ELP4: variants seen among roughly 807,000 people sequenced by gnomAD.
The protein encoded by ELP4 is elongator acetyltransferase complex subunit 4, also known as elongator complex protein 4.
A neutral mutation model predicts 48.9 loss-of-function variants in ELP4; 51 were observed. The observed-to-expected ratio is 1.04, with a 90% CI of 0.83 to 1.32. ELP4 has a LOEUF of 1.32. Among genes scored for constraint, ELP4 ranks in the 40% most tolerant of loss-of-function variants. ELP4 has a pLI of 0.00. For missense variants in ELP4, 519 were observed against 514.6 expected (o/e 1.01, Z -0.08); for synonymous variants, 210 against 189.2 (o/e 1.11, Z -0.90).
chr11:31,619,135 T>G (rs779853118), intron 5 of ELP4, among the ~76,000 whole-genome samples: 5 of 151,908 alleles, frequency 3.3e-5, no homozygotes, highest in Non-Finnish European at 5.9e-5. Flanking sequence ...TTTTATTTTT[T>G]CAAGGGAGAG....
intron 3 of ELP4, among the ~76,000 whole-genome samples, chr11:31,559,791 T>C (rs1956985028): frequency 1.3e-5 from 2 of 151,698 alleles, no homozygotes; most frequent in African/African-American, 4.8e-5. Flanking sequence ...TAATCCCAGC[T>C]ACTCGGGTGG....
intron 5 of ELP4, among the ~76,000 whole-genome samples, chr11:31,611,836 C>T (rs986537641): frequency 6.6e-6 from 1 of 152,104 alleles, no homozygotes; most frequent in Non-Finnish European, 1.5e-5. Context: ...AAAGAAAAAA[C>T]ATTTTCTATG....
At chr11:31,758,516 C>A (rs1234979321) in intron 9 of ELP4, among the ~76,000 whole-genome samples, 1 of 152,102 alleles carries the variant, frequency 6.6e-6, no homozygotes. Flanking sequence ...ACGTTGTCAA[C>A]CTAGAAAATT....
chr11:31,630,021 C>T (rs557491293), intron 6 of ELP4, among the ~76,000 whole-genome samples: 12 of 152,072 alleles, frequency 7.9e-5, no homozygotes, highest in African/African-American at 2.2e-4. Flanking sequence ...CATCTCATTA[C>T]TTCATTTCAT....
At chr11:31,582,922 G>C (rs1429718635) in intron 3 of ELP4, among the ~76,000 whole-genome samples, 1 of 152,058 alleles carries the variant, frequency 6.6e-6, no homozygotes, top group Non-Finnish European at 1.5e-5. Context: ...GAAGGGAAGA[G>C]GAAGTCCTTT....
intron 9 of ELP4, among the ~76,000 whole-genome samples, chr11:31,727,144 T>G (rs187376542): frequency 9.9e-5 from 15 of 152,030 alleles, no homozygotes; most frequent in South Asian, 8.3e-4. Context: ...AAAAAGAACT[T>G]TATTTTTACA....
chr11:31,520,502 A>C (rs1956195297), intron 2 of ELP4, among the ~76,000 whole-genome samples: 1 of 152,120 alleles, frequency 6.6e-6, no homozygotes, highest in Non-Finnish European at 1.5e-5. Context: ...AAAAGTAACA[A>C]AGTAGTAAAT....
intron 9 of ELP4, among the ~76,000 whole-genome samples, chr11:31,740,492 T>A (rs1001868891): frequency 2.6e-5 from 4 of 152,258 alleles, no homozygotes; most frequent in Admixed American, 6.5e-5. Flanking sequence ...TTGATGTGTG[T>A]TTTATCCTGA....
At chr11:31,708,006 C>T (rs1369158518) in intron 9 of ELP4, among the ~76,000 whole-genome samples, 1 of 152,198 alleles carries the variant, frequency 6.6e-6, no homozygotes, top group African/African-American at 2.4e-5. Flanking sequence ...GGAATTAGGA[C>T]ATGTACATCT....
chr11:31,606,661 A>G (rs550715896), intron 5 of ELP4, among the ~76,000 whole-genome samples: 2 of 152,182 alleles, frequency 1.3e-5, no homozygotes, highest in South Asian at 2.1e-4. Flanking sequence ...ATATTTCACT[A>G]TTACAAATCA....
chr11:31,739,966 T>G (rs1947409768), intron 9 of ELP4, among the ~76,000 whole-genome samples: 1 of 152,194 alleles, frequency 6.6e-6, no homozygotes, highest in South Asian at 2.1e-4. Context: ...ATCAAGAAAT[T>G]TTTTTCTCTC....
chr11:31,599,229 A>G (rs954510490), intron 4 of ELP4: 2 of 152,170 alleles, frequency 1.3e-5, no homozygotes, highest in African/African-American at 4.8e-5. Context: ...TACAGACAAA[A>G]TGATAGCTTA....
At chr11:31,646,870 A>C (rs1211892943) in intron 7 of ELP4, 1 of 151,516 alleles carries the variant, frequency 6.6e-6, no homozygotes, top group Non-Finnish European at 1.5e-5. Context: ...CCAGTAATTA[A>C]AGAATTAAAA....
chr11:31,688,685 A>G (rs562440742), intron 9 of ELP4, among the ~76,000 whole-genome samples: 1 of 152,362 alleles, frequency 6.6e-6, no homozygotes, highest in South Asian at 2.1e-4. Flanking sequence ...GTAATATTAT[A>G]CTAGAAAATG....
intron 1 of ELP4, chr11:31,511,732 T>G (rs1248888550): frequency 6.6e-6 from 1 of 152,198 alleles, no homozygotes; most frequent in Non-Finnish European, 1.5e-5. Flanking sequence ...GGATTAATGA[T>G]TTAACTATCG....
chr11:31,655,529 T>C (rs141010562), intron 9 of ELP4, among the ~76,000 whole-genome samples: 1,640 of 152,144 alleles, frequency 0.011, 73 homozygotes, highest in Admixed American at 0.087. Flanking sequence ...CCCACTGTTG[T>C]TTTGCCAGGT....
intron 9 of ELP4, among the ~76,000 whole-genome samples, chr11:31,690,882 T>C (rs1475142003): frequency 1.3e-5 from 2 of 151,024 alleles, no homozygotes; most frequent in Admixed American, 1.3e-4. Context: ...CTTTTTTTGC[T>C]CTTTGCACTA....
chr11:31,598,701 C>G (rs960242088), intron 4 of ELP4, among the ~76,000 whole-genome samples: 5 of 151,564 alleles, frequency 3.3e-5, no homozygotes, highest in African/African-American at 1.2e-4. Context: ...GAGATAGGGT[C>G]TCACTATGTT....
chr11:31,697,700 T>C (rs536455618), intron 9 of ELP4, among the ~76,000 whole-genome samples: 1 of 152,316 alleles, frequency 6.6e-6, no homozygotes, highest in East Asian at 1.9e-4. Context: ...TATTGTCCAC[T>C]ATTAAAAATG....
Sources: allele counts gnomAD v4.1 joint callset (sites outside exome capture counted in the v4.1 genomes callset), GRCh38; gene constraint gnomAD v4.1.1; transcripts MANE v1.5; gene names NCBI Gene and HGNC (gene_info 2026-07-23, HGNC 2026-07-21).